The following GMEB1 variants were observed in gnomAD, a reference collection of about 807,000 sequenced individuals.
GMEB1 encodes glucocorticoid modulatory element binding protein 1, also known as glucocorticoid modulatory element-binding protein 1.
Under a neutral mutation model 52.4 loss-of-function variants are expected in GMEB1, and 6 were observed. That is an observed-to-expected ratio of 0.11 (90% CI 0.06 to 0.23). The LOEUF is 0.23. Among genes scored for constraint, GMEB1 ranks in the 10% least tolerant of loss-of-function variants. GMEB1 has a pLI of 1.00. For missense variants in GMEB1, 486 were observed against 685.6 expected (o/e 0.71, Z 3.25); for synonymous variants, 255 against 244.9 (o/e 1.04, Z -0.38).
At position 28,714,269 on chromosome 1, in the gene GMEB1, A is replaced by G. The variant is rs748648056; in HGVS notation, c.1188A>G (p.Ser396=). The G allele has an allele frequency of 1.2e-6, 2 of 1,613,670 alleles. No homozygotes were observed. The highest frequency in any genetic ancestry group is 1.7e-5 in the Admixed American group (1 of 59,958). Residue 396 remains serine, a synonymous_variant, in exon 10 of 10, where the codon TCA becomes TCG. Coordinates refer to ENST00000373816, the MANE Select transcript of GMEB1 (RefSeq NM_001319674.2). ...AGCAGCCTCAGTTCACAGTCATCTC[A>G]CCCATCACCATCACCCCAGTGGGTC... ...PVQQPQFTVI[S]PITITPVGQS...
In GMEB1 at chr1:28,687,385, CACAA is replaced by C. The variant is rs1399279997; in HGVS notation, c.129-2717_129-2714del. 3.7e-3 allele frequency among the ~76,000 whole-genome samples: 141 copies of C among 38,154 alleles called. 9 individuals carry two copies. The highest frequency in any genetic ancestry group is 0.014 in the African/African-American group (134 of 9,886). 25.0% of individuals were successfully genotyped at this position (38,154 alleles called of 152,430 possible). On this transcript the variant is annotated intron_variant, in intron 2 of 9. Coordinates refer to ENST00000373816, the MANE Select transcript of GMEB1 (RefSeq NM_001319674.2). The stretch of plus-strand genomic sequence containing the variant: ...ACACACACACACACACACACACACA[CACAA>C]AAAAAGACAGTGGAGAATAATGTTC...
At chr1:28,705,444 TC>T (rs1670705376) in intron 8 of GMEB1, among the ~76,000 whole-genome samples, 1 of 147,596 alleles carries the variant, frequency 6.8e-6, no homozygotes, top group African/African-American at 2.5e-5. Context: ...ATATGTATTT[TC>T]TTTTTTTTTT....
intron 1 of GMEB1, among the ~76,000 whole-genome samples, chr1:28,671,418 A>G (rs934846791): frequency 1.8e-4 from 28 of 152,010 alleles, no homozygotes; most frequent in African/African-American, 6.5e-4. Flanking sequence ...CGCCCGCCTA[A>G]TTTTGTTAGT....
chr1:28,701,986 A>C (rs985079940), intron 6 of GMEB1, among the ~76,000 whole-genome samples: 1 of 152,156 alleles, frequency 6.6e-6, no homozygotes, highest in Non-Finnish European at 1.5e-5. Flanking sequence ...CTAATAAATA[A>C]GTTAGATGCT....
intron 1 of GMEB1, among the ~76,000 whole-genome samples, chr1:28,675,015 G>A (rs1274355957): frequency 8.3e-6 from 1 of 120,722 alleles, no homozygotes; most frequent in Non-Finnish European, 1.7e-5. Flanking sequence ...CACCGCGCCC[G>A]GCCTTTTTTT....
intron 4 of GMEB1, among the ~76,000 whole-genome samples, chr1:28,692,238 A>G (rs1477325159): frequency 6.6e-6 from 1 of 151,562 alleles, no homozygotes; most frequent in African/African-American, 2.4e-5. Flanking sequence ...TGCATCTTCA[A>G]AAAAAACTAT....
At chr1:28,674,137 G>A (rs191844958) in intron 1 of GMEB1, among the ~76,000 whole-genome samples, 5 of 149,628 alleles carry the variant, frequency 3.3e-5, no homozygotes, top group East Asian at 2.0e-4. Context: ...GTGACAGAGC[G>A]AGACTCCGTC....
At chr1:28,689,450 C>T (rs1320052807) in intron 2 of GMEB1, among the ~76,000 whole-genome samples, 1 of 152,030 alleles carries the variant, frequency 6.6e-6, no homozygotes, top group African/African-American at 2.4e-5. Flanking sequence ...CACAGTGAAA[C>T]CCCATCTCTA....
At chr1:28,695,973 A>AT (rs1670188206) in intron 5 of GMEB1, among the ~76,000 whole-genome samples, 1 of 142,604 alleles carries the variant, frequency 7.0e-6, no homozygotes, top group Non-Finnish European at 1.5e-5. Context: ...AAAAAAAAAA[A>AT]ATTTTCAGAT....
chr1:28,689,656 T>C (rs140817165), intron 2 of GMEB1: 3 of 152,596 alleles, frequency 2.0e-5, no homozygotes, highest in African/African-American at 7.2e-5. Flanking sequence ...TAAAAAGTTA[T>C]GAAAGGAGTG....
chr1:28,711,732 AGT>A, intron 9 of GMEB1, among the ~76,000 whole-genome samples: 1 of 152,242 alleles, frequency 6.6e-6, no homozygotes, highest in African/African-American at 2.4e-5. Flanking sequence ...TGGGATTATT[AGT>A]GTGAGCCATT....
chr1:28,708,172 T>G (rs1670868239), intron 8 of GMEB1, among the ~76,000 whole-genome samples: 1 of 152,122 alleles, frequency 6.6e-6, no homozygotes, highest in Non-Finnish European at 1.5e-5. Flanking sequence ...GTGCTGGGAT[T>G]ATAGGCGTGA....
Position 28,714,701 on chromosome 1 carries a change from G to A in GMEB1, c.1620G>A (p.Glu540=). The change falls in exon 10 of 10, where the codon GAG becomes GAA. Residue 540 remains glutamate, a synonymous_variant. Transcript: ENST00000373816. ...VILETELRTE[E]KVVAEMEEHQ... ...TGGAGACAGAGCTGAGGACTGAGGA[G>A]AAAGTTGTGGCTGAGATGGAAGAAC... 1 of 1,614,184 alleles carries A rather than the reference G, an allele frequency of 6.2e-7. No individual in the cohort carries two copies. The highest frequency in any genetic ancestry group is 2.2e-5 in the East Asian group (1 of 44,880).
chr1:28,697,887 C>T (rs1200018562), intron 6 of GMEB1, among the ~76,000 whole-genome samples: 1 of 152,134 alleles, frequency 6.6e-6, no homozygotes, highest in Non-Finnish European at 1.5e-5. Flanking sequence ...CGCCTGTAAT[C>T]CCAGCACTTT....
rs1557504139 is a variant in GMEB1 at position 28,687,370 on chromosome 1, AC to A, written c.129-2733del. Among the ~76,000 whole-genome samples, 358 of 84,290 alleles carry A rather than the reference AC, an allele frequency of 4.2e-3. 32 individuals carry two copies. Among genetic ancestry groups the A allele is most frequent in the Non-Finnish European group, 7.2e-3 (275 of 38,458 alleles). 55.3% of individuals were successfully genotyped at this position (84,290 alleles called of 152,430 possible). A position where few individuals can be genotyped will look rare whatever the true frequency, so the allele number is the denominator to read the frequency against. The stretch of plus-strand genomic sequence containing the variant: ...CACACACACACACACACACACACAC[AC>A]ACACACACACACACACAAAAAAAGA... On this transcript the variant is annotated intron_variant, in intron 2 of 9. Transcript: ENST00000373816.
intron 6 of GMEB1, among the ~76,000 whole-genome samples, chr1:28,698,674 C>CAA (rs138996886): frequency 6.7e-4 from 81 of 120,824 alleles, no homozygotes; most frequent in East Asian, 2.0e-3. Context: ...GACTCCATCT[C>CAA]AAAAAAAAAA....
At chr1:28,671,546 C>G (rs1035611172) in intron 1 of GMEB1, among the ~76,000 whole-genome samples, 1 of 152,082 alleles carries the variant, frequency 6.6e-6, no homozygotes, top group Non-Finnish European at 1.5e-5. Context: ...TCCAGACCAG[C>G]TTGGGCAACA....
chr1:28,703,712 C>A (rs1670620526), intron 7 of GMEB1, among the ~76,000 whole-genome samples: 1 of 151,990 alleles, frequency 6.6e-6, no homozygotes, highest in South Asian at 2.1e-4. Context: ...ATAGCCACCA[C>A]CCTCAGAGAG....
At chr1:28,707,765 G>A (rs1348726227) in intron 8 of GMEB1, among the ~76,000 whole-genome samples, 2 of 152,184 alleles carry the variant, frequency 1.3e-5, no homozygotes, top group African/African-American at 4.8e-5. Flanking sequence ...AAAGAGGTCA[G>A]GGCTGGAGAT....
Sources: allele counts gnomAD v4.1 joint callset (sites outside exome capture counted in the v4.1 genomes callset), GRCh38; gene constraint gnomAD v4.1.1; transcripts MANE v1.5; gene names NCBI Gene and HGNC (gene_info 2026-07-23, HGNC 2026-07-21).